The following STPG2 variants were observed in gnomAD, a reference collection of about 807,000 sequenced individuals.
STPG2 encodes sperm-tail PG-rich repeat-containing protein 2.
STPG2 carries 56 observed loss-of-function variants against 54.2 expected under a neutral mutation model. The observed-to-expected ratio is 1.03, with a 90% CI of 0.83 to 1.29. The LOEUF (loss-of-function observed/expected upper bound fraction) is 1.29, where lower values mean the gene tolerates loss of function less well. STPG2 is among the 50% of genes most tolerant of loss of function. The probability of loss-of-function intolerance (pLI) is 0.00; values close to 1 mark genes in which losing one functional copy is unlikely to be tolerated. For missense variants in STPG2, 596 were observed against 544.9 expected, an observed-to-expected ratio of 1.09 and a Z score of -0.93; for synonymous variants, 200 against 181.8, an observed-to-expected ratio of 1.10 and a Z score of -0.81.
intron 8 of STPG2, among the ~76,000 whole-genome samples, chr4:97,907,743 AC>A (rs1731499608): frequency 6.6e-6 from 1 of 152,210 alleles, no homozygotes; most frequent in African/African-American, 2.4e-5. Flanking sequence ...TCTTTGACAA[AC>A]CTCAGAAAAA....
rs1211140011 is a variant in STPG2 at position 98,129,489 on chromosome 4, T to TA, written c.223-898dup. On this transcript the variant is annotated intron_variant, in intron 2 of 10. Transcript: ENST00000295268. Reference sequence around the variant, plus strand: ...TGAATATAGCTAAGTTATGTGAAATTATATATAAATGTATAAAGTCACATA... The same window carrying TA: ...TGAATATAGCTAAGTTATGTGAAATTAATATATAAATGTATAAAGTCACATA... 2.0e-5 allele frequency among the ~76,000 whole-genome samples: 3 copies of TA among 152,164 alleles called. No homozygotes were observed. In the East Asian group the frequency reaches 5.8e-4, roughly 29 times the overall value.
intron 4 of STPG2, among the ~76,000 whole-genome samples, chr4:97,540,755 A>G (rs911449315): frequency 6.6e-6 from 1 of 152,182 alleles, no homozygotes; most frequent in Non-Finnish European, 1.5e-5. Context: ...GCAGCACATC[A>G]AAAAGCTTAT....
At chr4:97,791,258 C>A (rs974321279) in intron 9 of STPG2, among the ~76,000 whole-genome samples, 1 of 152,134 alleles carries the variant, frequency 6.6e-6, no homozygotes, top group Non-Finnish European at 1.5e-5. Flanking sequence ...GGAATTGTTA[C>A]AATCTCTGAA....
chr4:97,817,289 A>C (rs564934534), intron 9 of STPG2, among the ~76,000 whole-genome samples: 20 of 151,364 alleles, frequency 1.3e-4, no homozygotes, highest in Middle Eastern at 3.5e-3. Flanking sequence ...TAAAGATCCT[A>C]CTGGCACTAT....
At chr4:97,805,685 A>G (rs1727537865) in intron 9 of STPG2, among the ~76,000 whole-genome samples, 1 of 151,982 alleles carries the variant, frequency 6.6e-6, no homozygotes, top group Admixed American at 6.6e-5. Flanking sequence ...TTGAATGAAT[A>G]GTTTGTGAAA....
intron 9 of STPG2, among the ~76,000 whole-genome samples, chr4:97,739,423 G>A (rs1486110881): frequency 2.0e-5 from 3 of 152,068 alleles, no homozygotes; most frequent in Non-Finnish European, 4.4e-5. Context: ...ATGAATCCAG[G>A]AGCTGGTTTT....
At position 97,500,260 on chromosome 4, in the gene STPG2, T is replaced by C. The variant is rs564564197; in HGVS notation, c.462+212439A>G. Reference sequence around the variant, plus strand: ...GGGTGTAAAAGAAGTGAGTCAAGTATGTCTGCAAAATTATACCCGGAAAAT... The same window carrying C: ...GGGTGTAAAAGAAGTGAGTCAAGTACGTCTGCAAAATTATACCCGGAAAAT... On this transcript the variant is annotated intron_variant, in intron 4 of 4. Coordinates refer to the STPG2 transcript ENST00000522676. Among the ~76,000 whole-genome samples, 8 of 152,202 alleles carry C rather than the reference T, an allele frequency of 5.3e-5. No homozygotes were observed. In the South Asian group the frequency reaches 1.2e-3, roughly 24 times the overall value.
chr4:97,921,042 C>T (rs1732086233), intron 8 of STPG2, among the ~76,000 whole-genome samples: 1 of 152,138 alleles, frequency 6.6e-6, no homozygotes, highest in Non-Finnish European at 1.5e-5. Context: ...ATTACAGCAC[C>T]TGGGTGTAAC....
intron 7 of STPG2, among the ~76,000 whole-genome samples, chr4:97,948,949 G>A (rs973339239): frequency 5.9e-5 from 9 of 151,770 alleles, no homozygotes; most frequent in African/African-American, 1.7e-4. Context: ...GAGTGTTTAA[G>A]ACCATTGTTT....
At chr4:97,847,827 C>T (rs550701995) in intron 8 of STPG2, among the ~76,000 whole-genome samples, 9 of 152,234 alleles carry the variant, frequency 5.9e-5, no homozygotes, top group African/African-American at 2.2e-4. Flanking sequence ...CTGGCTTTTA[C>T]TTTTGTTCAC....
intron 8 of STPG2, among the ~76,000 whole-genome samples, chr4:97,943,332 C>T (rs986899177): frequency 6.6e-6 from 1 of 152,084 alleles, no homozygotes. Flanking sequence ...CTTTTTAACT[C>T]TAAATTTTAC....
intron 9 of STPG2, among the ~76,000 whole-genome samples, chr4:97,728,947 G>A (rs958712473): frequency 1.3e-5 from 2 of 151,830 alleles, no homozygotes; most frequent in African/African-American, 4.8e-5. Context: ...GAAAGATACA[G>A]AGAGACAAAG....
intron 10 of STPG2, among the ~76,000 whole-genome samples, chr4:97,562,554 T>C (rs1481379907): frequency 1.3e-5 from 2 of 152,192 alleles, no homozygotes; most frequent in Non-Finnish European, 2.9e-5. Flanking sequence ...TTTTTGCCCA[T>C]TCAGTATGAT....
intron 8 of STPG2, among the ~76,000 whole-genome samples, chr4:97,845,432 AAATAG>A (rs1364521645): frequency 2.6e-5 from 4 of 152,168 alleles, no homozygotes; most frequent in Non-Finnish European, 4.4e-5. Context: ...CTATCTAAAT[AAATAG>A]AATAGGTTTA....
intron 5 of STPG2, among the ~76,000 whole-genome samples, chr4:98,055,449 T>A (rs1037263802): frequency 1.4e-4 from 21 of 152,118 alleles, no homozygotes; most frequent in African/African-American, 4.6e-4. Context: ...CCACATGGGC[T>A]AAGAGCACCA....
At chr4:97,748,180 T>C (rs1364784839) in intron 9 of STPG2, among the ~76,000 whole-genome samples, 1 of 151,452 alleles carries the variant, frequency 6.6e-6, no homozygotes, top group African/African-American at 2.4e-5. Flanking sequence ...CCTTTATTCT[T>C]ATTGCGGAAT....
chr4:97,459,591 C>T (rs1234903530), intron 4 of STPG2, among the ~76,000 whole-genome samples: 1 of 151,998 alleles, frequency 6.6e-6, no homozygotes, highest in Non-Finnish European at 1.5e-5. Context: ...AGCTGCCCAC[C>T]ACCATGGCCG....
chr4:98,009,115 C>T (rs1049164260), intron 5 of STPG2, among the ~76,000 whole-genome samples: 1 of 151,592 alleles, frequency 6.6e-6, no homozygotes, highest in Non-Finnish European at 1.5e-5. Context: ...TATTAATTTT[C>T]TAGTCTCTAT....
intron 9 of STPG2, among the ~76,000 whole-genome samples, chr4:97,837,371 A>C (rs1172758208): frequency 1.3e-5 from 2 of 151,698 alleles, no homozygotes; most frequent in African/African-American, 4.8e-5. Context: ...AACAATGTTT[A>C]TATCTATTTT....
Sources: allele counts gnomAD v4.1 joint callset (sites outside exome capture counted in the v4.1 genomes callset), GRCh38; gene constraint gnomAD v4.1.1; transcripts MANE v1.5; gene names NCBI Gene and HGNC (gene_info 2026-07-23, HGNC 2026-07-21).